ENC1: variants seen among roughly 807,000 people sequenced by gnomAD.
ENC1 encodes ectoderm-neural cortex protein 1.
Under a neutral mutation model 40.9 loss-of-function variants are expected in ENC1, and 19 were observed. That is an observed-to-expected ratio of 0.46 (90% CI 0.32 to 0.68). ENC1 has a LOEUF of 0.68. ENC1 is among the 30% of genes least tolerant of loss of function. The pLI is 0.03. For synonymous variants in ENC1, 285 were observed against 291.1 expected (o/e 0.98, Z 0.21); for missense variants, 479 against 737.5 (o/e 0.65, Z 4.06).
chr5:74,637,755 CGTGT>C (rs3842030), intron 1 of ENC1: 31,181 of 149,758 alleles, frequency 0.21, 3,373 homozygotes, highest in African/African-American at 0.23. Context: ...TCAAAAAATA[CGTGT>C]GTGTGTGTGT....
intron 2 of ENC1, among the ~76,000 whole-genome samples, chr5:74,633,962 G>A (rs1453392146): frequency 2.0e-5 from 3 of 152,230 alleles, no homozygotes; most frequent in Non-Finnish European, 4.4e-5. Context: ...AGCACACAGT[G>A]AGGGCTCAAT....
chr5:74,630,063 T>A (rs1272816222), intron 2 of ENC1, 71 bp from the exon 3 acceptor site: 1 of 152,248 alleles, frequency 6.6e-6, no homozygotes, highest in Non-Finnish European at 1.5e-5. Context: ...CCATAGTTTT[T>A]AAATTTTTCT....
chr5:74,639,598 T>C (rs1296332186), intron 1 of ENC1, among the ~76,000 whole-genome samples: 1 of 152,186 alleles, frequency 6.6e-6, no homozygotes, highest in African/African-American at 2.4e-5. Flanking sequence ...CCGGTAACAA[T>C]AGAACATTAT....
intron 1 of ENC1, among the ~76,000 whole-genome samples, chr5:74,638,670 T>C (rs1314789689): frequency 1.3e-5 from 2 of 152,226 alleles, no homozygotes; most frequent in African/African-American, 4.8e-5. Context: ...TTCATTAGCA[T>C]TCTCAATGCT....
Position 74,627,800 on chromosome 5 carries a change from G to A in ENC1, c.*2225C>T, listed in dbSNP as rs895441053. The stretch of plus-strand genomic sequence containing the variant: ...TTGTATTTGCTTCAAAGTGTGGGAC[G>A]TTTCACAGGGTGAGAATGGTCAAGT... On this transcript the variant is annotated 3_prime_UTR_variant, in exon 3 of 3. Coordinates refer to ENST00000302351, the MANE Select transcript of ENC1 (RefSeq NM_003633.4). 6.6e-6 allele frequency: 1 copy of A among 152,668 alleles called. No individual in the cohort carries two copies. Among genetic ancestry groups the A allele is most frequent in the African/African-American group, 2.4e-5 (1 of 41,458 alleles). 9.5% of individuals were successfully genotyped at this position (152,668 alleles called of 1,614,324 possible).
Position 74,635,976 on chromosome 5 carries a change from T to C in ENC1, c.510A>G (p.Arg170=). The change falls in exon 2 of 3, where the codon AGA becomes AGG. Residue 170 remains arginine, a synonymous_variant. Coordinates refer to ENST00000302351, the MANE Select transcript of ENC1 (RefSeq NM_003633.4). This position sits in a 1 kb window ranked among gnomAD's most constrained non-coding sequence, Gnocchi z 5.5. ...TGGTTTGGAAGTTGCTGAGACACATTCTCCAAGATAGTTCGTACAGCTTGG... is the reference window on the plus strand; with the variant it reads ...TGGTTTGGAAGTTGCTGAGACACATCCTCCAAGATAGTTCGTACAGCTTGG... ...QCTKLYELSW[R]MCLSNFQTIR... 1 of 1,614,152 alleles carries C rather than the reference T, an allele frequency of 6.2e-7. No homozygotes were observed. The highest frequency in any genetic ancestry group is 8.5e-7 in the Non-Finnish European group (1 of 1,180,026).
At chr5:74,630,556 C>T (rs1000043316) in intron 2 of ENC1, among the ~76,000 whole-genome samples, 5 of 152,152 alleles carry the variant, frequency 3.3e-5, no homozygotes, top group African/African-American at 9.7e-5. Flanking sequence ...AAATCAGTCT[C>T]GCTTCCTTTC....
In ENC1 at chr5:74,635,577, C is replaced by T; in HGVS notation, c.909G>A (p.Gln303=). 4 of 1,614,240 alleles carry T rather than the reference C, an allele frequency of 2.5e-6. No homozygotes were observed. Among genetic ancestry groups the T allele is most frequent in the Non-Finnish European group, 3.4e-6 (4 of 1,180,050 alleles). The change falls in exon 2 of 3, where the codon CAG becomes CAA. Residue 303 remains glutamine, a synonymous_variant. Transcript: ENST00000302351. The surrounding 1 kb of genome is among the most constrained non-coding windows in gnomAD (Gnocchi z 5.5). ...TGHALFLLGG[Q]TFMCDKLYLV... Reference sequence around the variant, plus strand: ...GATACAACTTGTCACACATGAAAGTCTGTCCTCCCAGAAGGAAGAGGGCAT... The same window carrying T: ...GATACAACTTGTCACACATGAAAGTTTGTCCTCCCAGAAGGAAGAGGGCAT...
At position 74,634,727 on chromosome 5, in the gene ENC1, G is replaced by A. The variant is rs774893347; in HGVS notation, c.1759C>T (p.Leu587=). Residue 587 remains leucine (L), a synonymous_variant, in exon 2 of 3, where the codon CTG becomes TTG. Transcript: ENST00000302351. ...AGAATGTACTGCATTTAAGAAGGCAGATGTTTCCAGGTGCTGACAAATGCA... is the reference window on the plus strand; with the variant it reads ...AGAATGTACTGCATTTAAGAAGGCAAATGTTTCCAGGTGCTGACAAATGCA... The part of the protein sequence containing the change: ...PTAFVSTWKH[L]PS The A allele has an allele frequency of 1.9e-6, 3 of 1,607,248 alleles. No individual in the cohort carries two copies. The highest frequency in any genetic ancestry group is 2.2e-5 in the South Asian group (2 of 90,920).
At position 74,640,439 on chromosome 5, in the gene ENC1, G is replaced by C. The variant is rs1251635313; in HGVS notation, c.-146C>G. 2 of 152,318 alleles carry C rather than the reference G, an allele frequency of 1.3e-5. No individual in the cohort carries two copies. The highest frequency in any genetic ancestry group is 4.8e-5 in the African/African-American group (2 of 41,462). The allele number at this position is 152,318 out of a possible 1,614,324, so 9.4% of individuals were successfully genotyped here. On this transcript the variant is annotated 5_prime_UTR_variant, in exon 1 of 3. Coordinates refer to ENST00000302351, the MANE Select transcript of ENC1 (RefSeq NM_003633.4). ...GAGAAAGGAGGGCCAGCCGGGGAGAGGACTGCGCCCCGAACGATGGCTCGC... is the reference window on the plus strand; with the variant it reads ...GAGAAAGGAGGGCCAGCCGGGGAGACGACTGCGCCCCGAACGATGGCTCGC...
At chr5:74,638,578 C>T (rs1358015991) in intron 1 of ENC1, among the ~76,000 whole-genome samples, 1 of 152,192 alleles carries the variant, frequency 6.6e-6, no homozygotes, top group Non-Finnish European at 1.5e-5. Context: ...ACTGTCTACT[C>T]CATTCTAACC....
In ENC1 at chr5:74,636,904, C is replaced by T. The variant is rs546549064; in HGVS notation, c.-13-406G>A. 6.6e-6 allele frequency among the ~76,000 whole-genome samples: 1 copy of T among 152,306 alleles called. No homozygotes were observed. Among genetic ancestry groups the T allele is most frequent in the South Asian group, 2.1e-4 (1 of 4,826 alleles). ...CATTCACTGCGGGCCACTTAAAATGCCAGGTCTCCTGCTCTTATAATGCCA... is the reference window on the plus strand; with the variant it reads ...CATTCACTGCGGGCCACTTAAAATGTCAGGTCTCCTGCTCTTATAATGCCA... On this transcript the variant is annotated intron_variant, in intron 1 of 2. Transcript: ENST00000302351. The surrounding 1 kb of genome is among the most constrained non-coding windows in gnomAD (Gnocchi z 4.8).
chr5:74,639,431 G>C (rs1747743534), intron 1 of ENC1, among the ~76,000 whole-genome samples: 1 of 152,198 alleles, frequency 6.6e-6, no homozygotes, highest in African/African-American at 2.4e-5. Flanking sequence ...AACATCAAAA[G>C]GGCTTCAGTT....
intron 2 of ENC1, among the ~76,000 whole-genome samples, chr5:74,633,635 C>A (rs1747466110): frequency 6.6e-6 from 1 of 152,172 alleles, no homozygotes; most frequent in South Asian, 2.1e-4. Context: ...AATCATTCTA[C>A]AAAGGGTTTG....
At chr5:74,639,905 G>A (rs1194729115) in intron 1 of ENC1, 1 of 152,332 alleles carries the variant, frequency 6.6e-6, no homozygotes. Context: ...CCAAGCCGGG[G>A]AGGATGCAAC....
rs1248945587 is a variant in ENC1 at position 74,630,594 on chromosome 5, C to T, written c.*33-602G>A. ...ATGACAATGTATCAGGCCTCAACAGCCCAAGTTTGGAGTTTATTCTCAAAG... is the reference window on the plus strand; with the variant it reads ...ATGACAATGTATCAGGCCTCAACAGTCCAAGTTTGGAGTTTATTCTCAAAG... On this transcript the variant is annotated intron_variant, in intron 2 of 2. Transcript: ENST00000302351. Among the ~76,000 whole-genome samples the T allele has an allele frequency of 2.6e-5, 4 of 152,148 alleles. No homozygotes were observed. In the East Asian group the frequency reaches 7.7e-4, roughly 29 times the overall value.
At chr5:74,632,982 A>G (rs1045175407) in intron 2 of ENC1, among the ~76,000 whole-genome samples, 4 of 152,232 alleles carry the variant, frequency 2.6e-5, no homozygotes, top group Non-Finnish European at 5.9e-5. Context: ...GCTTGCCACT[A>G]GGCCTAGATC....
Position 74,628,599 on chromosome 5 carries a change from T to C in ENC1, c.*1426A>G, listed in dbSNP as rs1455594899. The C allele has an allele frequency of 3.3e-5, 5 of 152,454 alleles. No individual in the cohort carries two copies. The highest frequency in any genetic ancestry group is 4.8e-5 in the African/African-American group (2 of 41,468). The allele number at this position is 152,454 out of a possible 1,614,324, so 9.4% of individuals were successfully genotyped here. A position where few individuals can be genotyped will look rare whatever the true frequency, so the allele number is the denominator to read the frequency against. On this transcript the variant is annotated 3_prime_UTR_variant, in exon 3 of 3. Transcript: ENST00000302351. ...CTTTGGTGTTTTGTGGCCAAATGTG[T>C]TACTTGTGCACCAAAGAGTTTTTTA...
chr5:74,639,101 C>T (rs970237), intron 1 of ENC1, among the ~76,000 whole-genome samples: 124,503 of 152,254 alleles, frequency 0.82, 51,570 homozygotes, highest in African/African-American at 0.95. Flanking sequence ...TTGGATACCA[C>T]CCAGATGGAA....
Sources: allele counts gnomAD v4.1 joint callset (sites outside exome capture counted in the v4.1 genomes callset), GRCh38; gene constraint gnomAD v4.1.1; non-coding constraint Gnocchi (gnomAD v3.1); transcripts MANE v1.5; gene names NCBI Gene and HGNC (gene_info 2026-07-23, HGNC 2026-07-21).